TMEM182: variants seen among roughly 807,000 people sequenced by gnomAD.
TMEM182 encodes the protein transmembrane protein 182.
A neutral mutation model predicts 26.8 loss-of-function variants in TMEM182; 20 were observed. That is an observed-to-expected ratio of 0.75 (90% CI 0.53 to 1.09). The LOEUF is 1.09. Ranked by LOEUF, TMEM182 falls within the 50% of genes least tolerant of loss-of-function variation. The pLI, the probability that TMEM182 is intolerant of heterozygous loss-of-function variation, is 0.00. For missense variants in TMEM182, 277 were observed against 275.5 expected (o/e 1.01, Z -0.04); for synonymous variants, 109 against 102.2 (o/e 1.07, Z -0.40).
chr2:102,807,808 G>A (rs976422018), intron 4 of TMEM182, among the ~76,000 whole-genome samples: 4 of 152,096 alleles, frequency 2.6e-5, no homozygotes, highest in Admixed American at 6.5e-5. Context: ...CAGACACTTC[G>A]ATTTCTAAGG....
intron 3 of TMEM182, among the ~76,000 whole-genome samples, chr2:102,784,941 C>T (rs1032624258): frequency 6.6e-6 from 1 of 152,154 alleles, no homozygotes; most frequent in African/African-American, 2.4e-5. Flanking sequence ...GACCTTCTAT[C>T]TTGTCCTGTG....
intron 3 of TMEM182, among the ~76,000 whole-genome samples, chr2:102,823,863 G>A (rs1573574823): frequency 6.6e-6 from 1 of 152,312 alleles, no homozygotes; most frequent in East Asian, 1.9e-4. Flanking sequence ...GGTTTAATGG[G>A]AATACTCAGC....
chr2:102,779,721 G>A (rs899392082), intron 3 of TMEM182, among the ~76,000 whole-genome samples: 1 of 151,522 alleles, frequency 6.6e-6, no homozygotes, highest in Non-Finnish European at 1.5e-5. Flanking sequence ...TCAAGGCTGG[G>A]TGTGGTGGCT....
intron 4 of TMEM182, among the ~76,000 whole-genome samples, chr2:102,802,379 C>T (rs530189585): frequency 7.7e-4 from 117 of 152,302 alleles, no homozygotes; most frequent in African/African-American, 2.6e-3. Context: ...ATTGCTTCTC[C>T]CTACACTTGG....
intron 4 of TMEM182, among the ~76,000 whole-genome samples, chr2:102,807,583 C>T (rs1682395631): frequency 6.6e-6 from 1 of 152,164 alleles, no homozygotes; most frequent in South Asian, 2.1e-4. Flanking sequence ...ATTTATGAGA[C>T]TACTTTGAAA....
intron 4 of TMEM182, among the ~76,000 whole-genome samples, chr2:102,800,272 A>G (rs937864389): frequency 2.6e-5 from 4 of 152,204 alleles, no homozygotes; most frequent in Admixed American, 6.5e-5. Flanking sequence ...CTCCACAGAG[A>G]AACCTTGTTT....
intron 3 of TMEM182, among the ~76,000 whole-genome samples, chr2:102,766,847 A>G (rs775330109): frequency 6.6e-6 from 1 of 152,236 alleles, no homozygotes. Context: ...CTGAGTTTTT[A>G]CAATTGCAGT....
At chr2:102,842,170 C>G (rs1301225465) in intron 3 of TMEM182, among the ~76,000 whole-genome samples, 1 of 152,172 alleles carries the variant, frequency 6.6e-6, no homozygotes, top group African/African-American at 2.4e-5. Flanking sequence ...CTGCTCCCCC[C>G]TGCAATGACT....
intron 3 of TMEM182, among the ~76,000 whole-genome samples, chr2:102,766,541 A>G (rs949162164): frequency 2.0e-5 from 3 of 152,320 alleles, no homozygotes; most frequent in Non-Finnish European, 2.9e-5. Flanking sequence ...ATAATATACA[A>G]GGAAATTTGA....
intron 3 of TMEM182, among the ~76,000 whole-genome samples, chr2:102,833,493 C>A (rs1683187346): frequency 6.6e-6 from 1 of 152,204 alleles, no homozygotes; most frequent in South Asian, 2.1e-4. Context: ...AGTGCTCCCA[C>A]ACACACACCC....
chr2:102,827,447 G>C (rs1683055433), intron 3 of TMEM182, among the ~76,000 whole-genome samples: 1 of 152,212 alleles, frequency 6.6e-6, no homozygotes, highest in Admixed American at 6.5e-5. Context: ...GTCAAGGGTA[G>C]ATGCAGCATT....
chr2:102,839,539 G>T (rs1683309444), intron 3 of TMEM182, among the ~76,000 whole-genome samples: 1 of 149,970 alleles, frequency 6.7e-6, no homozygotes. Flanking sequence ...TAAAAGAGTA[G>T]ATTTTAAAGA....
upstream of TMEM182, among the ~76,000 whole-genome samples, chr2:102,760,608 T>TTTTG (rs984725575): frequency 3.3e-5 from 5 of 152,280 alleles, no homozygotes; most frequent in Admixed American, 1.3e-4. Flanking sequence ...TCATGTTTTT[T>TTTTG]TTTGTTTGTT....
chr2:102,816,941 T>C lies in TMEM182; in HGVS notation c.*1973T>C. On this transcript the variant is annotated 3_prime_UTR_variant, in exon 5 of 5. Transcript: ENST00000412401. Reference sequence around the variant, plus strand: ...TGGTTATCCTCACTTTATAGTACACTTAAGTGGCTACCATATATTTTTTAT... The same window carrying C: ...TGGTTATCCTCACTTTATAGTACACCTAAGTGGCTACCATATATTTTTTAT... 2.0e-6 allele frequency: 2 copies of C among 985,790 alleles called. No homozygotes were observed. The highest frequency in any genetic ancestry group is 9.4e-5 in the South Asian group (2 of 21,292). The allele number at this position is 985,790 out of a possible 1,614,324, so 61.1% of individuals were successfully genotyped here.
Position 102,817,172 on chromosome 2 carries a change from G to A in TMEM182, c.*2204G>A, listed in dbSNP as rs1446178337. The A allele has an allele frequency of 2.0e-6, 2 of 985,206 alleles. No homozygotes were observed. The highest frequency in any genetic ancestry group is 1.1e-4 in the East Asian group (1 of 8,828). The allele number at this position is 985,206 out of a possible 1,614,324, so 61.0% of individuals were successfully genotyped here. A position where few individuals can be genotyped will look rare whatever the true frequency, so the allele number is the denominator to read the frequency against. ...TACTTAAAAATGGCAGAGTTATATAGTACATTATTGTAGCAACCTTATATC... is the reference window on the plus strand; with the variant it reads ...TACTTAAAAATGGCAGAGTTATATAATACATTATTGTAGCAACCTTATATC... On this transcript the variant is annotated 3_prime_UTR_variant, in exon 5 of 5. Coordinates refer to ENST00000412401, the MANE Select transcript of TMEM182 (RefSeq NM_144632.5).
At chr2:102,823,069 C>G (rs1364237416) in intron 3 of TMEM182, among the ~76,000 whole-genome samples, 1 of 152,156 alleles carries the variant, frequency 6.6e-6, no homozygotes, top group Non-Finnish European at 1.5e-5. Flanking sequence ...AGAGTCAACA[C>G]AGTTGAAAGG....
intron 4 of TMEM182, among the ~76,000 whole-genome samples, chr2:102,812,415 A>T (rs1668789240): frequency 6.6e-6 from 1 of 151,360 alleles, no homozygotes; most frequent in African/African-American, 2.4e-5. Context: ...ACACACACAC[A>T]CACACACACA....
intron 4 of TMEM182, among the ~76,000 whole-genome samples, chr2:102,802,256 AT>A (rs1558781326): frequency 6.6e-6 from 1 of 152,234 alleles, no homozygotes; most frequent in Non-Finnish European, 1.5e-5. Context: ...CATTCCGTGC[AT>A]GGCAGAGGGA....
At chr2:102,840,405 T>G (rs993168451) in intron 3 of TMEM182, among the ~76,000 whole-genome samples, 6 of 152,186 alleles carry the variant, frequency 3.9e-5, no homozygotes, top group African/African-American at 1.4e-4. Flanking sequence ...CGTCTTCGCA[T>G]ATAACTCTTC....
Sources: allele counts gnomAD v4.1 joint callset (sites outside exome capture counted in the v4.1 genomes callset), GRCh38; gene constraint gnomAD v4.1.1; transcripts MANE v1.5; gene names NCBI Gene and HGNC (gene_info 2026-07-23, HGNC 2026-07-21).